Variants in TKTL1 observed in about 807,000 individuals in gnomAD.
TKTL1 encodes transketolase-like protein 1.
Under a neutral mutation model 39.3 loss-of-function variants are expected in TKTL1, and 1 was observed. The ratio of observed to expected loss-of-function variants is 0.03; its 90% CI spans 0.01 to 0.12. TKTL1 has a LOEUF of 0.12. TKTL1 is among the 10% of genes least tolerant of loss of function. The pLI, the probability that TKTL1 is intolerant of heterozygous loss-of-function variation, is 1.00. For missense variants in TKTL1, 575 were observed against 509.6 expected (o/e 1.13, Z -1.24); for synonymous variants, 262 against 193.8 (o/e 1.35, Z -2.92).
intron 2 of TKTL1, 132 bp downstream of exon 2, chrX:154,305,553 A>G: frequency 1.2e-6 from 1 of 846,556 alleles, no homozygotes. Flanking sequence ...TGCATCTTAA[A>G]GCTCGAGTGT....
intron 2 of TKTL1, among the ~76,000 whole-genome samples, chrX:154,307,931 A>G (rs1176018678): frequency 8.9e-6 from 1 of 111,839 alleles, no homozygotes; most frequent in Non-Finnish European, 1.9e-5. Flanking sequence ...CAAAGCATGC[A>G]GAGAATTCCG....
chrX:154,321,533 T>A (rs2067451054), intron 8 of TKTL1, among the ~76,000 whole-genome samples: 1 of 98,240 alleles, frequency 1.0e-5, no homozygotes, highest in Non-Finnish European at 2.1e-5. Flanking sequence ...GACCTGAGAG[T>A]GAAGAAAGAG....
Position 154,305,400 on chromosome X carries a change from C to T in TKTL1, c.231C>T (p.Asn77=), listed in dbSNP as rs938208645. ...YKQSDPENPD[N]DRFVLAKRLS... ...AGTCAGATCCAGAGAATCCGGACAA[C>T]GACCGATTTGTCCTCGCAAAGGTAT... Residue 77 remains asparagine (N), a synonymous_variant, in exon 2 of 13, where the codon AAC becomes AAT. Coordinates refer to ENST00000369915, the MANE Select transcript of TKTL1 (RefSeq NM_012253.4). 22 of 1,208,079 alleles carry T rather than the reference C, an allele frequency of 1.8e-5. No homozygotes were observed. In the African/African-American group the frequency reaches 2.6e-4, roughly 14 times the overall value.
chrX:154,297,136 T>C (rs2067236254), intron 1 of TKTL1, among the ~76,000 whole-genome samples: 1 of 111,693 alleles, frequency 9.0e-6, no homozygotes, highest in Admixed American at 9.4e-5. Context: ...AAAAATAAAG[T>C]AAAAGAAACC....
intron 1 of TKTL1, among the ~76,000 whole-genome samples, chrX:154,296,936 G>A (rs1241162706): frequency 9.0e-6 from 1 of 111,488 alleles, no homozygotes; most frequent in Non-Finnish European, 1.9e-5. Flanking sequence ...AGGTTACAGT[G>A]AACTGAGATT....
intron 1 of TKTL1, among the ~76,000 whole-genome samples, chrX:154,303,937 T>A (rs189340320): frequency 9.2e-6 from 1 of 108,949 alleles, no homozygotes; most frequent in African/African-American, 3.4e-5. Flanking sequence ...TTCTGAGAAT[T>A]GTGATTTTCC....
intron 9 of TKTL1, among the ~76,000 whole-genome samples, chrX:154,324,966 C>T (rs2067482308): frequency 8.9e-6 from 1 of 112,058 alleles, no homozygotes; most frequent in South Asian, 3.6e-4. Context: ...TATGGTCTTT[C>T]TAAGGATGAA....
In TKTL1 at chrX:154,303,980, C is replaced by T. The variant is rs180918372; in HGVS notation, c.135-1324C>T. Among the ~76,000 whole-genome samples the T allele has an allele frequency of 3.0e-3, 336 of 110,484 alleles. 1 individual carries two copies. The highest frequency in any genetic ancestry group is 4.9e-3 in the Non-Finnish European group (259 of 52,780). ...AAAGGGCACATCGTCTTTTTGGAGC[C>T]TCAAAGGTGCAGACACTGATGCGTT... On this transcript the variant is annotated intron_variant, in intron 1 of 12. Coordinates refer to ENST00000369915, the MANE Select transcript of TKTL1 (RefSeq NM_012253.4).
At position 154,318,580 on chromosome X, in the gene TKTL1, T is replaced by C. The variant is rs1266445911; in HGVS notation, c.1030-2177T>C. Among the ~76,000 whole-genome samples, 134 of 106,331 alleles carry C rather than the reference T, an allele frequency of 1.3e-3. 1 individual carries two copies. The highest frequency in any genetic ancestry group is 0.011 in the East Asian group (38 of 3,412). 92.3% of individuals were successfully genotyped at this position (106,331 alleles called of 115,157 possible). A position where few individuals can be genotyped will look rare whatever the true frequency, so the allele number is the denominator to read the frequency against. ...AAAATTAGCCGGGCGTGGTGGTGGG[T>C]GCCTGTAGTCCCAGCTACTCGGGAG... On this transcript the variant is annotated intron_variant, in intron 7 of 12. Coordinates refer to ENST00000369915, the MANE Select transcript of TKTL1 (RefSeq NM_012253.4).
At chrX:154,325,258 C>G (rs182069519) in intron 9 of TKTL1, 81 bp from the exon 10 acceptor site, 3 of 933,261 alleles carry the variant, frequency 3.2e-6, no homozygotes, top group African/African-American at 1.9e-5. Context: ...CCTCTTCACA[C>G]CCCTCCTTCA....
At chrX:154,326,325 T>C (rs1426456926) in intron 10 of TKTL1, among the ~76,000 whole-genome samples, 1 of 112,012 alleles carries the variant, frequency 8.9e-6, no homozygotes, top group Non-Finnish European at 1.9e-5. Flanking sequence ...ATGGAGAAAA[T>C]AAGTGACTCT....
At chrX:154,296,916 TGA>T (rs1462564161) in intron 1 of TKTL1, among the ~76,000 whole-genome samples, 7 of 111,247 alleles carry the variant, frequency 6.3e-5, no homozygotes, top group Non-Finnish European at 1.3e-4. Flanking sequence ...CGCGGGAGGC[TGA>T]GAGGCTCAGG....
At chrX:154,302,386 T>C (rs1557166156) in intron 1 of TKTL1, among the ~76,000 whole-genome samples, 1 of 111,601 alleles carries the variant, frequency 9.0e-6, no homozygotes, top group Non-Finnish European at 1.9e-5. Flanking sequence ...ACAGCAGATA[T>C]TCGTCTCTCA....
At chrX:154,310,711 T>G in intron 3 of TKTL1, 125 bp from the exon 4 acceptor site, 1 of 573,914 alleles carries the variant, frequency 1.7e-6, no homozygotes. Context: ...ATGAGGGAGA[T>G]TGTGGGAAGC....
chrX:154,311,488 C>T (rs1235183891), intron 5 of TKTL1, among the ~76,000 whole-genome samples: 2 of 111,898 alleles, frequency 1.8e-5, no homozygotes, highest in African/African-American at 6.5e-5. Context: ...GCTAGGAGTA[C>T]AGCCCATCGG....
At chrX:154,307,645 C>T (rs1557167494) in intron 2 of TKTL1, among the ~76,000 whole-genome samples, 1 of 112,737 alleles carries the variant, frequency 8.9e-6, no homozygotes, top group Non-Finnish European at 1.9e-5. Context: ...GTCTCCATTG[C>T]ACCCATAAAG....
chrX:154,313,982 A>C (rs782808658), intron 6 of TKTL1, among the ~76,000 whole-genome samples: 35 of 110,659 alleles, frequency 3.2e-4, no homozygotes, highest in Non-Finnish European at 6.2e-4. Context: ...ATAGTTGCAT[A>C]ATTGGTATGA....
intron 1 of TKTL1, among the ~76,000 whole-genome samples, chrX:154,297,123 T>TA (rs1297043914): frequency 2.7e-5 from 3 of 111,937 alleles, no homozygotes; most frequent in Admixed American, 9.5e-5. Flanking sequence ...ACCCTGTCTC[T>TA]AAAAAAATAA....
In TKTL1 at chrX:154,329,772, C is replaced by T. The variant is rs112594183; in HGVS notation, c.*84C>T. The T allele has an allele frequency of 4.2e-4, 457 of 1,079,577 alleles. 1 individual carries two copies. In the African/African-American group the frequency reaches 7.5e-3, roughly 18 times the overall value. The allele number at this position is 1,079,577 out of a possible 1,213,427, so 89.0% of individuals were successfully genotyped here. ...ACCATCATTTAAATCTCTACTGTCA[C>T]ATTTTGTTTCTTAAAAGCAAAGCCA... On this transcript the variant is annotated 3_prime_UTR_variant, in exon 13 of 13. Transcript: ENST00000369915.
Sources: allele counts gnomAD v4.1 joint callset (sites outside exome capture counted in the v4.1 genomes callset), GRCh38; gene constraint gnomAD v4.1.1; transcripts MANE v1.5; gene names NCBI Gene and HGNC (gene_info 2026-07-23, HGNC 2026-07-21).